TLN2: variants seen among roughly 807,000 people sequenced by gnomAD.
The protein encoded by TLN2 is talin 2.
A neutral mutation model predicts 294.7 loss-of-function variants in TLN2; 118 were observed. That is an observed-to-expected ratio of 0.40 (90% CI 0.34 to 0.47). The LOEUF (loss-of-function observed/expected upper bound fraction) is 0.47, where lower values mean the gene tolerates loss of function less well. TLN2 is among the 20% of genes least tolerant of loss of function. The pLI, the probability that TLN2 is intolerant of heterozygous loss-of-function variation, is 0.84. For synonymous variants in TLN2, 1,431 were observed against 1,304.5 expected, an observed-to-expected ratio of 1.10 and a Z score of -2.09; for missense variants, 3,083 against 3,282.2, an observed-to-expected ratio of 0.94 and a Z score of 1.48.
intron 9 of TLN2, among the ~76,000 whole-genome samples, chr15:62,670,257 C>G (rs111866956): frequency 2.4e-4 from 37 of 152,286 alleles, no homozygotes; most frequent in African/African-American, 8.7e-4. Flanking sequence ...CTCATGATGC[C>G]ACTTCCTTAT....
At chr15:62,753,384 C>T (rs1472428039) in intron 35 of TLN2, among the ~76,000 whole-genome samples, 12 of 152,166 alleles carry the variant, frequency 7.9e-5, no homozygotes, top group Admixed American at 7.9e-4. Flanking sequence ...TGCATGCACC[C>T]ACTGTTTTGT....
intron 22 of TLN2, 39 bp from the exon 23 acceptor site, chr15:62,716,292 C>T: frequency 6.5e-7 from 1 of 1,547,460 alleles, no homozygotes; most frequent in Non-Finnish European, 8.7e-7. Context: ...GTGATGTCTC[C>T]TGCTGGACCA....
chr15:62,548,058 T>G (rs1181382018), intron 1 of TLN2, among the ~76,000 whole-genome samples: 1 of 152,178 alleles, frequency 6.6e-6, no homozygotes, highest in Non-Finnish European at 1.5e-5. Flanking sequence ...AGCCCGAGAC[T>G]ATGCTTGTGG....
At chr15:62,475,878 G>C (rs111938867) in intron 1 of TLN2, among the ~76,000 whole-genome samples, 47 of 152,298 alleles carry the variant, frequency 3.1e-4, no homozygotes, top group African/African-American at 1.1e-3. Flanking sequence ...TAGAAACAGA[G>C]TTTTATTAGA....
intron 20 of TLN2, 45 bp from the exon 21 acceptor site, chr15:62,708,457 A>G (rs768602109): frequency 2.5e-6 from 4 of 1,591,272 alleles, no homozygotes. Context: ...GAGAGGGACC[A>G]GGATTCAACC....
At position 62,762,459 on chromosome 15, in the gene TLN2, T is replaced by C. The variant is rs2062733785; in HGVS notation, c.4961+6T>C. 1 of 1,612,740 alleles carries C rather than the reference T, an allele frequency of 6.2e-7. No homozygotes were observed. The highest frequency in any genetic ancestry group is 8.5e-7 in the Non-Finnish European group (1 of 1,179,162). On this transcript the variant is annotated splice_donor_region_variant and intron_variant, in intron 39 of 58. Coordinates refer to ENST00000636159, the MANE Select transcript of TLN2 (RefSeq NM_015059.3). ...AGTCTCATCACTTCTATCAGGTCAG[T>C]TTCCCATCCGGAGGTTGCTGCCAGC...
At chr15:62,645,249 GT>G (rs1377653639) in intron 3 of TLN2, 2 of 152,580 alleles carry the variant, frequency 1.3e-5, no homozygotes, top group Non-Finnish European at 2.9e-5. Context: ...CAATATTGCA[GT>G]TGGGAATTGC....
chr15:62,603,043 C>T (rs2047134592), intron 2 of TLN2, among the ~76,000 whole-genome samples: 1 of 152,066 alleles, frequency 6.6e-6, no homozygotes, highest in South Asian at 2.1e-4. Context: ...CAAGCGCCAG[C>T]CACCACGCCC....
chr15:62,743,057 A>G (rs1479575508), intron 32 of TLN2, among the ~76,000 whole-genome samples: 2 of 152,106 alleles, frequency 1.3e-5, no homozygotes, highest in African/African-American at 4.8e-5. Context: ...TATCTTGTGT[A>G]TTTATAACCC....
intron 1 of TLN2, among the ~76,000 whole-genome samples, chr15:62,521,570 T>C (rs1048556207): frequency 3.3e-5 from 5 of 152,052 alleles, no homozygotes; most frequent in Non-Finnish European, 7.4e-5. Flanking sequence ...TAGAAAGAAA[T>C]GCTTGAGTTA....
intron 45 of TLN2, 112 bp downstream of exon 45, chr15:62,784,002 A>G (rs1427736236): frequency 1.9e-6 from 3 of 1,549,040 alleles, no homozygotes; most frequent in Non-Finnish European, 2.6e-6. Flanking sequence ...CAGTAACCAG[A>G]GCCCAGTTTA....
intron 37 of TLN2, among the ~76,000 whole-genome samples, 190 bp from the exon 38 acceptor site, chr15:62,761,491 A>G (rs1428011719): frequency 6.6e-6 from 1 of 152,154 alleles, no homozygotes; most frequent in Non-Finnish European, 1.5e-5. Flanking sequence ...ATTCTCCACA[A>G]CATCTAACTG....
At chr15:62,399,278 A>AAAAAAAAAAAAG (rs2032830042) in intron 1 of TLN2, among the ~76,000 whole-genome samples, 2 of 150,728 alleles carry the variant, frequency 1.3e-5, no homozygotes, top group Non-Finnish European at 3.0e-5. Context: ...AAAAAAAAAA[A>AAAAAAAAAAAAG]AAAAAAAGTA....
At chr15:62,717,064 T>G (rs2059824671) in intron 23 of TLN2, among the ~76,000 whole-genome samples, 1 of 152,178 alleles carries the variant, frequency 6.6e-6, no homozygotes, top group Admixed American at 6.5e-5. Flanking sequence ...TGCAGTCTGC[T>G]ATATTCTGGA....
At chr15:62,741,730 G>A (rs1352901497) in intron 32 of TLN2, among the ~76,000 whole-genome samples, 2 of 11,242 alleles carry the variant, frequency 1.8e-4, no homozygotes, top group Non-Finnish European at 5.2e-4. Context: ...TTTTTAACTT[G>A]GTTTTTTAAA....
intron 11 of TLN2, among the ~76,000 whole-genome samples, chr15:62,683,662 G>A (rs1461839824): frequency 6.6e-6 from 1 of 152,196 alleles, no homozygotes; most frequent in Non-Finnish European, 1.5e-5. Flanking sequence ...ACCATCTTGA[G>A]AGAGAAGCTT....
chr15:62,571,229 C>T (rs773040323), intron 1 of TLN2, among the ~76,000 whole-genome samples: 5 of 152,200 alleles, frequency 3.3e-5, no homozygotes, highest in Non-Finnish European at 4.4e-5. Context: ...CGTTATTCCT[C>T]AGCCAGGCAG....
intron 45 of TLN2, among the ~76,000 whole-genome samples, chr15:62,791,080 G>T (rs1267522646): frequency 6.6e-6 from 1 of 152,154 alleles, no homozygotes; most frequent in Non-Finnish European, 1.5e-5. Context: ...TGTAATCTCA[G>T]CACTTTGGGA....
At chr15:62,566,925 T>C (rs1234026392) in intron 1 of TLN2, among the ~76,000 whole-genome samples, 1 of 152,134 alleles carries the variant, frequency 6.6e-6, no homozygotes, top group Non-Finnish European at 1.5e-5. Context: ...AGAAAATATA[T>C]ACAGAATTAG....
Sources: gnomAD v4.1 joint callset for allele counts (sites outside exome capture counted in the v4.1 genomes callset) on GRCh38, gnomAD v4.1.1 for gene constraint, MANE v1.5 for transcripts, NCBI Gene and HGNC (gene_info 2026-07-23, HGNC 2026-07-21) for gene names.